The following CACNA2D3 variants were observed in gnomAD, a reference collection of about 807,000 sequenced individuals.
CACNA2D3 encodes the protein voltage-dependent calcium channel subunit alpha-2/delta-3.
In CACNA2D3, 60 loss-of-function variants were observed where a neutral mutation model predicts 160.6. The observed-to-expected ratio is 0.37, with a 90% confidence interval of 0.30 to 0.46. The LOEUF is 0.46. Ranked by LOEUF, CACNA2D3 falls within the 20% of genes least tolerant of loss-of-function variation. The pLI is 1.00. For missense variants in CACNA2D3, 1,205 were observed against 1,365.0 expected (o/e 0.88, Z 1.85); for synonymous variants, 558 against 492.9 (o/e 1.13, Z -1.75).
chr3:55,072,245 C>T lies in CACNA2D3; in HGVS notation c.2988-1200C>T, dbSNP rs73073767. Among the ~76,000 whole-genome samples, 849 of 152,286 alleles carry T rather than the reference C, an allele frequency of 5.6e-3. 14 individuals are homozygous for T. Among genetic ancestry groups the T allele is most frequent in the South Asian group, 0.028 (135 of 4,820 alleles). ...TTTGCACAGTGGCAAGCCCTGTGAA[C>T]ATAACTGTGGAATATTAGATGGGCA... On this transcript the variant is annotated intron_variant, in intron 35 of 37. Transcript: ENST00000474759.
At chr3:54,654,289 A>AG (rs1699835029) in intron 11 of CACNA2D3, among the ~76,000 whole-genome samples, 2 of 151,962 alleles carry the variant, frequency 1.3e-5, no homozygotes, top group African/African-American at 4.8e-5. Context: ...TGGGGTTTTG[A>AG]GGGGGTTAGG....
chr3:54,719,537 T>A (rs1374982202), intron 11 of CACNA2D3, among the ~76,000 whole-genome samples: 1 of 152,092 alleles, frequency 6.6e-6, no homozygotes, highest in Non-Finnish European at 1.5e-5. Context: ...CTTTTATATT[T>A]CACTGCGTTT....
chr3:54,878,782 T>G, intron 18 of CACNA2D3: 1 of 353,994 alleles, frequency 2.8e-6, no homozygotes, highest in Non-Finnish European at 5.0e-6. Context: ...CAAGGCTCTT[T>G]TGTTATTGTC....
intron 27 of CACNA2D3, among the ~76,000 whole-genome samples, chr3:54,936,612 A>G (rs1293166859): frequency 2.6e-5 from 4 of 152,124 alleles, no homozygotes; most frequent in Admixed American, 6.5e-5. Context: ...TTTTAATTCA[A>G]AAATCCCATA....
chr3:54,595,313 GGTGTGTGTGTGTGTGT>G (rs71637562), intron 9 of CACNA2D3, among the ~76,000 whole-genome samples: 5 of 132,204 alleles, frequency 3.8e-5, no homozygotes, highest in Non-Finnish European at 7.8e-5. Flanking sequence ...CTGTGTGTGT[GGTGTGTGTGTGTGTGT>G]GTGTGTGTGT....
At chr3:54,441,084 C>T (rs910709568) in intron 4 of CACNA2D3, among the ~76,000 whole-genome samples, 83 of 152,212 alleles carry the variant, frequency 5.5e-4, no homozygotes, top group African/African-American at 1.9e-3. Flanking sequence ...AATGGTTGAA[C>T]TAGTTTACAG....
chr3:54,940,539 C>G (rs1035368082), intron 27 of CACNA2D3, among the ~76,000 whole-genome samples: 1 of 152,096 alleles, frequency 6.6e-6, no homozygotes, highest in Admixed American at 6.5e-5. Context: ...TGACACCAGT[C>G]CGTAAAGCCC....
chr3:54,240,338 G>A (rs1294775395), intron 2 of CACNA2D3, among the ~76,000 whole-genome samples: 1 of 152,134 alleles, frequency 6.6e-6, no homozygotes, highest in African/African-American at 2.4e-5. Context: ...AAAGATCAGG[G>A]ATGATAAGCA....
chr3:55,016,966 T>C (rs1035415834), intron 34 of CACNA2D3, among the ~76,000 whole-genome samples: 2 of 152,228 alleles, frequency 1.3e-5, no homozygotes, highest in Non-Finnish European at 2.9e-5. Context: ...GATGGCTTGC[T>C]TAGTGACAGC....
chr3:54,708,136 T>C (rs1021543034), intron 11 of CACNA2D3, among the ~76,000 whole-genome samples: 1 of 152,148 alleles, frequency 6.6e-6, no homozygotes, highest in South Asian at 2.1e-4. Flanking sequence ...GGCCTTATAT[T>C]CCTGGCCTCG....
intron 4 of CACNA2D3, among the ~76,000 whole-genome samples, chr3:54,414,475 G>T (rs907249018): frequency 2.6e-5 from 4 of 152,112 alleles, no homozygotes; most frequent in Admixed American, 2.6e-4. Flanking sequence ...TTTAGAGGGA[G>T]AAAATACCAT....
chr3:54,489,063 G>A (rs1162156516), intron 4 of CACNA2D3, among the ~76,000 whole-genome samples: 1 of 152,212 alleles, frequency 6.6e-6, no homozygotes, highest in Non-Finnish European at 1.5e-5. Flanking sequence ...GCAGAGACCA[G>A]GGAGGCTGAA....
intron 9 of CACNA2D3, among the ~76,000 whole-genome samples, chr3:54,615,251 AC>A (rs1374001139): frequency 7.9e-5 from 12 of 152,204 alleles, no homozygotes; most frequent in Admixed American, 7.9e-4. Context: ...GGAGACTACT[AC>A]TCATTTGTTG....
intron 31 of CACNA2D3, among the ~76,000 whole-genome samples, chr3:55,000,710 T>A (rs559409579): frequency 1.3e-5 from 2 of 152,296 alleles, no homozygotes; most frequent in African/African-American, 2.4e-5. Flanking sequence ...GTCAGAGTGG[T>A]TACCATGGTA....
chr3:54,921,073 A>C (rs1460676519), intron 27 of CACNA2D3, among the ~76,000 whole-genome samples: 5 of 152,198 alleles, frequency 3.3e-5, no homozygotes, highest in Non-Finnish European at 7.3e-5. Flanking sequence ...CCCTCGTCAA[A>C]TCTGCTGATT....
chr3:54,660,708 C>T (rs1355014573), intron 11 of CACNA2D3, among the ~76,000 whole-genome samples: 4 of 152,136 alleles, frequency 2.6e-5, no homozygotes, highest in African/African-American at 7.2e-5. Flanking sequence ...ATTTATAGGG[C>T]TTAGTGAACA....
At chr3:54,543,077 A>G (rs2106667927) in intron 5 of CACNA2D3, among the ~76,000 whole-genome samples, 1 of 152,290 alleles carries the variant, frequency 6.6e-6, no homozygotes, top group East Asian at 1.9e-4. Flanking sequence ...TGAGGAAGTT[A>G]CATTTATTCC....
intron 11 of CACNA2D3, among the ~76,000 whole-genome samples, chr3:54,730,292 G>T (rs1701362269): frequency 6.6e-6 from 1 of 152,096 alleles, no homozygotes; most frequent in Non-Finnish European, 1.5e-5. Context: ...CCATATCCAT[G>T]CAAAGAAGAC....
intron 14 of CACNA2D3, among the ~76,000 whole-genome samples, chr3:54,825,397 C>T (rs569741371): frequency 1.9e-4 from 29 of 152,290 alleles, no homozygotes; most frequent in Admixed American, 7.2e-4. Flanking sequence ...TCACAGGACA[C>T]TCAATGTTCT....
Sources: allele counts gnomAD v4.1 joint callset (sites outside exome capture counted in the v4.1 genomes callset), GRCh38; gene constraint gnomAD v4.1.1; transcripts MANE v1.5; gene names NCBI Gene and HGNC (gene_info 2026-07-23, HGNC 2026-07-21).